Variants in CALCRL observed in about 807,000 individuals in gnomAD.
CALCRL encodes the protein calcitonin receptor like receptor.
Under a neutral mutation model 60.4 loss-of-function variants are expected in CALCRL, and 27 were observed. The ratio of observed to expected loss-of-function variants is 0.45; its 90% CI spans 0.33 to 0.62. CALCRL has a LOEUF of 0.62. Ranked by LOEUF, CALCRL falls within the 20% of genes least tolerant of loss-of-function variation. The probability of loss-of-function intolerance (pLI) is 0.03; values close to 1 mark genes in which losing one functional copy is unlikely to be tolerated. For missense variants in CALCRL, 424 were observed against 540.7 expected, an observed-to-expected ratio of 0.78 and a Z score of 2.14; for synonymous variants, 190 against 182.6, an observed-to-expected ratio of 1.04 and a Z score of -0.33.
chr2:187,355,719 T>A (rs554441156), intron 12 of CALCRL, among the ~76,000 whole-genome samples: 87 of 152,254 alleles, frequency 5.7e-4, no homozygotes, highest in Middle Eastern at 3.4e-3. Context: ...ATTGTCTGTT[T>A]GCAGATGACA....
chr2:187,370,543 C>T (rs1425396634), intron 8 of CALCRL, among the ~76,000 whole-genome samples: 2 of 152,012 alleles, frequency 1.3e-5, no homozygotes, highest in Non-Finnish European at 2.9e-5. Flanking sequence ...GCATATTTAT[C>T]AAATATATCT....
chr2:187,383,395 G>C, intron 4 of CALCRL, 90 bp from the exon 5 acceptor site: 1 of 1,081,558 alleles, frequency 9.2e-7, no homozygotes, highest in East Asian at 2.8e-5. Context: ...GTAGAAAACA[G>C]CAAGTGCGGT....
chr2:187,365,012 C>A (rs698580), intron 8 of CALCRL, among the ~76,000 whole-genome samples: 121,696 of 152,086 alleles, frequency 0.8, 49,034 homozygotes, highest in Middle Eastern at 0.85. Flanking sequence ...GTGACGCAGA[C>A]AGTAATCAGG....
intron 1 of CALCRL, among the ~76,000 whole-genome samples, chr2:187,388,280 A>G (rs1195817399): frequency 1.3e-5 from 2 of 152,140 alleles, no homozygotes; most frequent in Non-Finnish European, 2.9e-5. Flanking sequence ...AAGGTGAAAG[A>G]AAGAAGAGTT....
At chr2:187,362,490 G>A (rs908119000) in intron 9 of CALCRL, among the ~76,000 whole-genome samples, 1 of 151,896 alleles carries the variant, frequency 6.6e-6, no homozygotes, top group African/African-American at 2.4e-5. Flanking sequence ...ACATGAGACT[G>A]TTTATTGACC....
intron 1 of CALCRL, among the ~76,000 whole-genome samples, chr2:187,434,065 T>C (rs1041415434): frequency 6.6e-6 from 1 of 152,214 alleles, no homozygotes; most frequent in Admixed American, 6.5e-5. Context: ...TTTCTTCCTC[T>C]CTTTATTTTT....
chr2:187,440,612 G>A (rs1369738692), intron 1 of CALCRL, among the ~76,000 whole-genome samples: 1 of 152,062 alleles, frequency 6.6e-6, no homozygotes, highest in Non-Finnish European at 1.5e-5. Context: ...CTTGCTCAAC[G>A]AACTTAGCTT....
At chr2:187,368,444 C>T (rs1687388678) in intron 8 of CALCRL, among the ~76,000 whole-genome samples, 1 of 151,924 alleles carries the variant, frequency 6.6e-6, no homozygotes, top group Non-Finnish European at 1.5e-5. Context: ...GACAGAATTT[C>T]CATATGATGA....
intron 1 of CALCRL, among the ~76,000 whole-genome samples, chr2:187,444,886 A>G (rs946971497): frequency 6.6e-6 from 1 of 151,592 alleles, no homozygotes; most frequent in Admixed American, 6.6e-5. Context: ...AATATATGGG[A>G]AAAGGATAGA....
intron 1 of CALCRL, among the ~76,000 whole-genome samples, chr2:187,399,849 A>G (rs1220409983): frequency 1.3e-5 from 2 of 151,566 alleles, no homozygotes; most frequent in Non-Finnish European, 3.0e-5. Context: ...CCCAGAAAAG[A>G]AAGATGAATA....
intron 3 of CALCRL, 58 bp from the exon 4 acceptor site, chr2:187,385,689 G>A (rs1346060180): frequency 1.2e-6 from 1 of 823,762 alleles, no homozygotes; most frequent in Admixed American, 2.9e-5. Flanking sequence ...AAATGCAGAT[G>A]ATTCTCAACA....
chr2:187,421,364 A>G (rs1689864367), intron 1 of CALCRL, among the ~76,000 whole-genome samples: 1 of 152,092 alleles, frequency 6.6e-6, no homozygotes, highest in Non-Finnish European at 1.5e-5. Flanking sequence ...TCCTACTTTT[A>G]TTTGCACCTC....
intron 9 of CALCRL, 129 bp downstream of exon 9, chr2:187,363,247 T>A (rs1169422090): frequency 8.7e-6 from 7 of 801,768 alleles, no homozygotes; most frequent in East Asian, 3.4e-5. Flanking sequence ...GACTTGAAAA[T>A]ATATATATAT....
intron 1 of CALCRL, among the ~76,000 whole-genome samples, chr2:187,402,437 ATG>A (rs748208224): frequency 6.8e-6 from 1 of 147,300 alleles, no homozygotes; most frequent in Non-Finnish European, 1.5e-5. Flanking sequence ...GTGTGTGTGT[ATG>A]TGAGAGAGAG....
intron 8 of CALCRL, among the ~76,000 whole-genome samples, chr2:187,373,685 C>T (rs571603292): frequency 2.0e-5 from 3 of 152,328 alleles, no homozygotes; most frequent in Non-Finnish European, 4.4e-5. Flanking sequence ...CTGCTTAACA[C>T]TGCATCTCAC....
At chr2:187,373,723 T>C (rs1687627716) in intron 8 of CALCRL, among the ~76,000 whole-genome samples, 1 of 152,210 alleles carries the variant, frequency 6.6e-6, no homozygotes, top group Admixed American at 6.5e-5. Flanking sequence ...TCTCAGCCTT[T>C]ATAGCAAATC....
At position 187,352,130 on chromosome 2, in the gene CALCRL, A is replaced by G. The variant is rs1386237797; in HGVS notation, c.1112T>C (p.Ile371Thr). 6.2e-7 allele frequency: 1 copy of G among 1,611,808 alleles called. No homozygotes were observed. Among genetic ancestry groups the G allele is most frequent in the African/African-American group, 1.3e-5 (1 of 74,772 alleles). The stretch of plus-strand genomic sequence containing the variant: ...ATGCCATACCTGGAAGTGCATAAGG[A>G]TGTGCATGATGTAGTCATATACCTC... The part of the protein sequence containing the change: ...AEEVYDYIMH[I>T]LMHFQGLLVS... The change falls in exon 13 of 15, where the codon ATC becomes ACC. Residue 371 changes from isoleucine (I) to threonine (T), a missense_variant. Physicochemically the swap from Ile to Thr is moderately conservative, Grantham distance 89 (BLOSUM62 -1). Around this residue, in one of 7 missense-constraint regions of CALCRL, gnomAD observed 222 missense variants for 265.6 expected, o/e 0.84. Coordinates refer to ENST00000392370, the MANE Select transcript of CALCRL (RefSeq NM_005795.6).
chr2:187,414,043 G>A (rs926569995), intron 1 of CALCRL, among the ~76,000 whole-genome samples: 1 of 151,920 alleles, frequency 6.6e-6, no homozygotes, highest in African/African-American at 2.4e-5. Context: ...GGAATGAGGA[G>A]AACTCAGAAC....
intron 1 of CALCRL, among the ~76,000 whole-genome samples, chr2:187,405,666 G>A (rs767060443): frequency 2.0e-5 from 3 of 152,056 alleles, no homozygotes; most frequent in Non-Finnish European, 4.4e-5. Flanking sequence ...AGCAAAACCA[G>A]TGAAACTGAA....
Sources: gnomAD v4.1 joint callset for allele counts (sites outside exome capture counted in the v4.1 genomes callset) on GRCh38, gnomAD v4.1.1 for gene constraint, gnomAD v4.1.1 regional missense constraint, MANE v1.5 for transcripts, NCBI Gene and HGNC (gene_info 2026-07-23, HGNC 2026-07-21) for gene names.